Variants in FSHR observed in about 807,000 individuals in gnomAD.
The protein encoded by FSHR is follicle-stimulating hormone receptor.
Under a neutral mutation model 52.1 loss-of-function variants are expected in FSHR, and 46 were observed. That is an observed-to-expected ratio of 0.88 (90% CI 0.70 to 1.13). The LOEUF (loss-of-function observed/expected upper bound fraction) is 1.13. FSHR is among the 50% of genes most tolerant of loss of function. The probability of loss-of-function intolerance (pLI) is 0.00; values close to 1 mark genes in which losing one functional copy is unlikely to be tolerated. For synonymous variants in FSHR, 399 were observed against 309.6 expected (o/e 1.29, Z -3.03); for missense variants, 964 against 834.6 (o/e 1.16, Z -1.91).
chr2:49,116,418 A>C (rs946191230), intron 1 of FSHR, among the ~76,000 whole-genome samples: 1 of 152,148 alleles, frequency 6.6e-6, no homozygotes. Context: ...CCTTAGGCAG[A>C]TGAGAGTTTT....
chr2:48,989,914 C>T (rs1466959398), intron 5 of FSHR, among the ~76,000 whole-genome samples: 2 of 152,058 alleles, frequency 1.3e-5, no homozygotes, highest in Non-Finnish European at 2.9e-5. Flanking sequence ...GTGTAGTAAA[C>T]AGCTTGGAAC....
chr2:49,138,486 T>C (rs1572797411), intron 1 of FSHR, among the ~76,000 whole-genome samples: 1 of 152,260 alleles, frequency 6.6e-6, no homozygotes. Context: ...ATAAACGAAA[T>C]GTGGCATATC....
chr2:49,003,556 AG>A (rs1456355463), intron 4 of FSHR, among the ~76,000 whole-genome samples: 2 of 152,174 alleles, frequency 1.3e-5, no homozygotes, highest in African/African-American at 4.8e-5. Flanking sequence ...TTCCTGTACC[AG>A]GATCTTATCG....
At chr2:49,089,075 G>A (rs1670502471) in intron 1 of FSHR, among the ~76,000 whole-genome samples, 2 of 131,942 alleles carry the variant, frequency 1.5e-5, no homozygotes, top group Admixed American at 7.4e-5. Context: ...GAATGCAATT[G>A]TGTATCCAAA....
intron 1 of FSHR, among the ~76,000 whole-genome samples, chr2:49,116,572 A>C (rs1034672987): frequency 1.3e-5 from 2 of 152,224 alleles, no homozygotes; most frequent in African/African-American, 2.4e-5. Flanking sequence ...AGTTCTCAGC[A>C]CTGTGCCTAA....
chr2:49,154,259 T>C lies in FSHR; in HGVS notation c.152+7A>G. On this transcript the variant is annotated splice_region_variant and intron_variant, in intron 1 of 9. Coordinates refer to ENST00000406846, the MANE Select transcript of FSHR (RefSeq NM_000145.4). ...ATGCAGTTGTTCCCCCTCCCTCTGA[T>C]ACTCACAGTTCAATGGCATTCCTCG... The C allele has an allele frequency of 6.2e-7, 1 of 1,613,588 alleles. No homozygotes were observed. The highest frequency in any genetic ancestry group is 8.5e-7 in the Non-Finnish European group (1 of 1,179,594).
At chr2:49,118,690 C>T (rs368009789) in intron 1 of FSHR, among the ~76,000 whole-genome samples, 9 of 152,282 alleles carry the variant, frequency 5.9e-5, no homozygotes, top group East Asian at 5.8e-4. Flanking sequence ...TAGGTTTCAC[C>T]TAGGACCTCA....
At chr2:49,088,915 A>C (rs749925006) in intron 1 of FSHR, among the ~76,000 whole-genome samples, 11 of 152,206 alleles carry the variant, frequency 7.2e-5, no homozygotes, top group Non-Finnish European at 1.3e-4. Context: ...AGTTTCACAC[A>C]TTTAATCAGA....
intron 4 of FSHR, among the ~76,000 whole-genome samples, chr2:49,008,475 C>T (rs939036665): frequency 8.6e-5 from 13 of 151,816 alleles, no homozygotes; most frequent in South Asian, 4.2e-4. Flanking sequence ...TGAATAATGC[C>T]GCAATAAACA....
intron 1 of FSHR, among the ~76,000 whole-genome samples, chr2:49,130,458 C>T (rs192193071): frequency 6.6e-6 from 1 of 152,300 alleles, no homozygotes; most frequent in East Asian, 1.9e-4. Flanking sequence ...TCATTCTGCT[C>T]TCATGATAGC....
At chr2:49,134,133 C>A (rs1008104718) in intron 1 of FSHR, among the ~76,000 whole-genome samples, 4 of 152,116 alleles carry the variant, frequency 2.6e-5, no homozygotes, top group Non-Finnish European at 5.9e-5. Flanking sequence ...GAACAGGCAA[C>A]CTACAGAATG....
chr2:49,001,397 A>G (rs1666877534), intron 4 of FSHR, among the ~76,000 whole-genome samples: 2 of 152,190 alleles, frequency 1.3e-5, no homozygotes, highest in Admixed American at 1.3e-4. Flanking sequence ...TGCTTCCATC[A>G]TACTGCATTG....
chr2:49,015,827 G>A (rs1048459620), intron 4 of FSHR, among the ~76,000 whole-genome samples: 2 of 152,130 alleles, frequency 1.3e-5, no homozygotes, highest in African/African-American at 4.8e-5. Flanking sequence ...TCTTGTTTAA[G>A]CATTTCAAGA....
intron 1 of FSHR, among the ~76,000 whole-genome samples, chr2:49,120,964 T>G (rs1671798351): frequency 1.3e-5 from 2 of 152,226 alleles, no homozygotes; most frequent in Admixed American, 1.3e-4. Flanking sequence ...GGGGTTTTTC[T>G]TCATAGCTTA....
chr2:49,020,523 T>C (rs972193101), intron 2 of FSHR, among the ~76,000 whole-genome samples: 1 of 146,398 alleles, frequency 6.8e-6, no homozygotes, highest in African/African-American at 2.5e-5. Context: ...TTTTTTTTTT[T>C]ACAGGGCTAG....
intron 1 of FSHR, among the ~76,000 whole-genome samples, chr2:49,073,410 A>G (rs1426589495): frequency 1.3e-5 from 2 of 152,072 alleles, no homozygotes; most frequent in East Asian, 3.9e-4. Context: ...ATACATAAAC[A>G]ACATGCTGGC....
chr2:49,006,085 T>A (rs190118117), intron 4 of FSHR, among the ~76,000 whole-genome samples: 381 of 152,220 alleles, frequency 2.5e-3, no homozygotes, highest in Non-Finnish European at 4.1e-3. Context: ...TTCTTCAGAT[T>A]TGGGACTCAG....
intron 1 of FSHR, among the ~76,000 whole-genome samples, chr2:49,122,692 T>C (rs1237334407): frequency 2.6e-5 from 4 of 152,186 alleles, no homozygotes; most frequent in Admixed American, 2.6e-4. Context: ...CTCCAGGGTG[T>C]GCAATAGCTT....
chr2:49,112,680 A>C (rs959454972), intron 1 of FSHR, among the ~76,000 whole-genome samples: 1 of 152,194 alleles, frequency 6.6e-6, no homozygotes, highest in Non-Finnish European at 1.5e-5. Context: ...CACTTGAACC[A>C]TTGCTGACTG....
Sources: gnomAD v4.1 joint callset for allele counts (sites outside exome capture counted in the v4.1 genomes callset) on GRCh38, gnomAD v4.1.1 for gene constraint, MANE v1.5 for transcripts, NCBI Gene and HGNC (gene_info 2026-07-23, HGNC 2026-07-21) for gene names.